ATIC: variants seen among roughly 807,000 people sequenced by gnomAD.
ATIC encodes the protein bifunctional purine biosynthesis protein ATIC.
A neutral mutation model predicts 72.5 loss-of-function variants in ATIC; 64 were observed. That is an observed-to-expected ratio of 0.88 (90% CI 0.72 to 1.09). The LOEUF is 1.09. ATIC is among the 50% of genes least tolerant of loss of function. ATIC has a pLI of 0.00. For synonymous variants in ATIC, 281 were observed against 267.1 expected (o/e 1.05, Z -0.51); for missense variants, 787 against 732.4 (o/e 1.07, Z -0.86).
chr2:215,349,950 A>G (rs73089334), downstream of ATIC, among the ~76,000 whole-genome samples: 5,112 of 152,256 alleles, frequency 0.034, 288 homozygotes, highest in African/African-American at 0.12. Flanking sequence ...CAGCCAGAGG[A>G]CATGGCACAA....
At chr2:215,351,143 G>C (rs1232186923), downstream of ATIC, among the ~76,000 whole-genome samples, 1 of 152,182 alleles carries the variant, frequency 6.6e-6, no homozygotes, top group Non-Finnish European at 1.5e-5. Flanking sequence ...TAAGAGTTAA[G>C]CAGCCCTCCA....
intron 12 of ATIC, among the ~76,000 whole-genome samples, chr2:215,339,855 C>T (rs1412754389): frequency 6.6e-6 from 1 of 152,128 alleles, no homozygotes; most frequent in Non-Finnish European, 1.5e-5. Context: ...CCAGGATGGT[C>T]TCGATCTCCT....
At chr2:215,319,073 G>T (rs1387932128) in intron 3 of ATIC, among the ~76,000 whole-genome samples, 1 of 151,914 alleles carries the variant, frequency 6.6e-6, no homozygotes, top group Non-Finnish European at 1.5e-5. Context: ...TAGAGACGGG[G>T]TCTCACCTTG....
intron 7 of ATIC, among the ~76,000 whole-genome samples, chr2:215,331,235 C>T (rs1243676673): frequency 6.6e-6 from 1 of 151,994 alleles, no homozygotes; most frequent in Non-Finnish European, 1.5e-5. Context: ...AAGAGGGTTG[C>T]AGGGACGGTT....
At chr2:215,366,776 G>A in the ATIC span, among the ~76,000 whole-genome samples, 9 of 152,102 alleles carry the variant, frequency 5.9e-5, no homozygotes, top group Non-Finnish European at 1.0e-4. Context: ...TGACATCCCC[G>A]CTCCCACAAT....
intron 4 of ATIC, among the ~76,000 whole-genome samples, chr2:215,321,149 A>G (rs2052762454): frequency 6.6e-6 from 1 of 152,082 alleles, no homozygotes; most frequent in African/African-American, 2.4e-5. Context: ...CATTTCCCCA[A>G]CGTCCTCCAG....
chr2:215,364,201 C>G, the ATIC span, among the ~76,000 whole-genome samples: 3 of 152,248 alleles, frequency 2.0e-5, no homozygotes, highest in Non-Finnish European at 4.4e-5. Flanking sequence ...CTCATTTCCT[C>G]TGTTTTTCCT....
At chr2:215,361,762 A>C in the ATIC span, 1 of 994,632 alleles carries the variant, frequency 1.0e-6, no homozygotes, top group African/African-American at 1.6e-5. Flanking sequence ...TCAAGAACCT[A>C]GCAGCATACT....
downstream of ATIC, among the ~76,000 whole-genome samples, chr2:215,350,134 A>T (rs10932610): frequency 6.6e-6 from 1 of 151,972 alleles, no homozygotes; most frequent in Non-Finnish European, 1.5e-5. Context: ...TCATTTTTTT[A>T]ATTTGTTATT....
At chr2:215,318,881 T>G (rs1052594589) in intron 3 of ATIC, among the ~76,000 whole-genome samples, 1 of 149,194 alleles carries the variant, frequency 6.7e-6, no homozygotes, top group African/African-American at 2.6e-5. Flanking sequence ...TAAATATATC[T>G]CTCTTTTTTT....
intron 14 of ATIC, chr2:215,347,744 C>T (rs2106045319): frequency 4.3e-6 from 2 of 463,534 alleles, no homozygotes; most frequent in Non-Finnish European, 8.6e-6. Context: ...ACCAGTCAAC[C>T]CCTGCTACTA....
chr2:215,346,435 A>G (rs1397966738), intron 13 of ATIC, among the ~76,000 whole-genome samples: 2 of 151,748 alleles, frequency 1.3e-5, no homozygotes, highest in Non-Finnish European at 2.9e-5. Context: ...TGCTGGGATT[A>G]CAGGCATGAG....
chr2:215,339,207 A>G (rs2052990094), intron 12 of ATIC, among the ~76,000 whole-genome samples: 1 of 152,212 alleles, frequency 6.6e-6, no homozygotes, highest in South Asian at 2.1e-4. Context: ...GTGCTAGGCT[A>G]CAAATGTGTT....
the ATIC span, chr2:215,361,859 T>C: frequency 2.7e-5 from 39 of 1,440,488 alleles, no homozygotes; most frequent in Admixed American, 4.5e-5. Context: ...CATTTATGAG[T>C]TGTTTTTTTT....
At chr2:215,361,135 T>C in the ATIC span, 1 of 189,708 alleles carries the variant, frequency 5.3e-6, no homozygotes, top group Non-Finnish European at 1.1e-5. Context: ...AACAAGATCA[T>C]GCTTGTTCCT....
At chr2:215,341,811 G>A (rs1349745146) in intron 12 of ATIC, among the ~76,000 whole-genome samples, 1 of 152,068 alleles carries the variant, frequency 6.6e-6, no homozygotes, top group Non-Finnish European at 1.5e-5. Flanking sequence ...CCCAACCCAG[G>A]ATGCCAAGTG....
chr2:215,347,279 G>A (rs375632673), intron 14 of ATIC: 3 of 389,132 alleles, frequency 7.7e-6, no homozygotes, highest in Non-Finnish European at 4.9e-6. Context: ...CTGCCACCAC[G>A]TCATGCATGG....
At chr2:215,345,012 C>G (rs1376310994) in intron 13 of ATIC, 141 bp downstream of exon 13, 9 of 888,418 alleles carry the variant, frequency 1.0e-5, no homozygotes, top group Admixed American at 4.0e-5. Context: ...AGTGTTTCCT[C>G]AGTACCCTGG....
intron 14 of ATIC, chr2:215,347,699 T>C (rs1466551872): frequency 4.2e-6 from 2 of 479,318 alleles, no homozygotes; most frequent in African/African-American, 4.0e-5. Flanking sequence ...CTTTTTTTTT[T>C]CAACTTTGAT....
Sources: gnomAD v4.1 joint callset for allele counts (sites outside exome capture counted in the v4.1 genomes callset) on GRCh38, gnomAD v4.1.1 for gene constraint, MANE v1.5 for transcripts, NCBI Gene and HGNC (gene_info 2026-07-23, HGNC 2026-07-21) for gene names.